The following NR1D2 variants were observed in gnomAD, a reference collection of about 807,000 sequenced individuals.
NR1D2 encodes nuclear receptor subfamily 1 group D member 2, also known as V-erbA-related protein 1-related.
NR1D2 carries 25 observed loss-of-function variants against 52.2 expected under a neutral mutation model. That is an observed-to-expected ratio of 0.48 (90% confidence interval 0.35 to 0.67). The LOEUF is 0.67. NR1D2 is among the 30% of genes least tolerant of loss of function. NR1D2 has a pLI of 0.01. For synonymous variants in NR1D2, 259 were observed against 230.1 expected, an observed-to-expected ratio of 1.13 and a Z score of -1.14; for missense variants, 681 against 707.2, an observed-to-expected ratio of 0.96 and a Z score of 0.42.
In NR1D2 at chr3:23,962,618, C is replaced by T. The variant is rs755869519; in HGVS notation, c.1146+13C>T. The T allele has an allele frequency of 9.0e-6, 14 of 1,561,068 alleles. No individual in the cohort carries two copies. The South Asian group carries it at 1.1e-4, about 12-fold the overall frequency. Reference sequence around the variant, plus strand: ...AAGAATGCATCTGGTATAGTGAAATCGATTTTTTGCTTACATTGTATCAGG... The same window carrying T: ...AAGAATGCATCTGGTATAGTGAAATTGATTTTTTGCTTACATTGTATCAGG... On this transcript the variant is annotated intron_variant, in intron 5 of 7. Transcript: ENST00000312521.
In NR1D2 at chr3:23,954,648, C is replaced by T; in HGVS notation, c.128C>T (p.Ser43Phe). Residue 43 changes from serine (S) to phenylalanine (F), a missense_variant, in exon 2 of 8, where the codon TCT becomes TTT. By Grantham distance (155) the Ser-to-Phe change is radical (BLOSUM62 -2). Around this residue, in one of 3 missense-constraint regions of NR1D2, gnomAD observed 94 missense variants for 90.4 expected, o/e 1.04. Coordinates refer to ENST00000312521, the MANE Select transcript of NR1D2 (RefSeq NM_005126.5). The part of the protein sequence containing the change: ...FQSSSSSVPS[S>F]PNSSNSDTNG... Reference sequence around the variant, plus strand: ...TCCTCCTCCTCTTCTGTTCCATCTTCTCCAAATAGCTCTAATTCTGATACC... The same window carrying T: ...TCCTCCTCCTCTTCTGTTCCATCTTTTCCAAATAGCTCTAATTCTGATACC... 6.2e-7 allele frequency: 1 copy of T among 1,614,138 alleles called. No individual in the cohort carries two copies. Among genetic ancestry groups the T allele is most frequent in the Non-Finnish European group, 8.5e-7 (1 of 1,179,992 alleles).
chr3:23,974,878 G>T (rs1022377350), intron 7 of NR1D2, among the ~76,000 whole-genome samples: 1 of 151,548 alleles, frequency 6.6e-6, no homozygotes, highest in Non-Finnish European at 1.5e-5. Flanking sequence ...GAGTGCAGGG[G>T]CATGATCTCG....
Position 23,966,182 on chromosome 3 carries a change from A to T in NR1D2, c.1332+1020A>T, listed in dbSNP as rs1161569365. 4.6e-5 allele frequency among the ~76,000 whole-genome samples: 7 copies of T among 152,322 alleles called. No individual in the cohort carries two copies. In the South Asian group the frequency reaches 8.3e-4, roughly 18 times the overall value. ...CTCTGAGATTGGGGTGGTGAGAGGAAGTTGATGTTTGGTGGGCCAAATCTT... is the reference window on the plus strand; with the variant it reads ...CTCTGAGATTGGGGTGGTGAGAGGATGTTGATGTTTGGTGGGCCAAATCTT... On this transcript the variant is annotated intron_variant, in intron 6 of 7. Transcript: ENST00000312521.
chr3:23,945,866 G>T (rs1221556435), intron 1 of NR1D2, among the ~76,000 whole-genome samples: 1 of 150,622 alleles, frequency 6.6e-6, no homozygotes, highest in Admixed American at 6.6e-5. Context: ...CCACGTGCGC[G>T]CTGTGTTTAC....
chr3:23,957,083 A>C (rs1413287128), intron 3 of NR1D2, among the ~76,000 whole-genome samples: 1 of 151,822 alleles, frequency 6.6e-6, no homozygotes, highest in Non-Finnish European at 1.5e-5. Context: ...CCTGGGTTCA[A>C]GTGATTCTCC....
At chr3:23,963,932 T>G (rs1387704173) in intron 5 of NR1D2, among the ~76,000 whole-genome samples, 1 of 151,840 alleles carries the variant, frequency 6.6e-6, no homozygotes, top group Non-Finnish European at 1.5e-5. Context: ...TTTTTTTTTT[T>G]TTTAATAACT....
At position 23,954,691 on chromosome 3, in the gene NR1D2, T is replaced by C; in HGVS notation, c.171T>C (p.Asn57=). ...CTGATACCAATGGTAATCCCAAGAA[T>C]GGTGATCTCGCCAATATTGAAGGCA... ...SNSDTNGNPK[N]GDLANIEGIL... is the part of the protein sequence containing the mutation. The change falls in exon 2 of 8, where the codon AAT becomes AAC. Residue 57 remains asparagine, a synonymous_variant. Coordinates refer to ENST00000312521, the MANE Select transcript of NR1D2 (RefSeq NM_005126.5). 1 of 1,614,156 alleles carries C rather than the reference T, an allele frequency of 6.2e-7. No individual in the cohort carries two copies. The highest frequency in any genetic ancestry group is 8.5e-7 in the Non-Finnish European group (1 of 1,179,992).
chr3:23,963,300 T>C, intron 5 of NR1D2: 1 of 1,350,136 alleles, frequency 7.4e-7, no homozygotes, highest in Non-Finnish European at 9.8e-7. Context: ...CATGAAGTCC[T>C]TTGATAGTGC....
At chr3:23,952,186 G>C (rs1705950588) in intron 1 of NR1D2, among the ~76,000 whole-genome samples, 2 of 152,178 alleles carry the variant, frequency 1.3e-5, no homozygotes, top group African/African-American at 2.4e-5. Flanking sequence ...TTTGTAGTTA[G>C]GGACCATGTT....
chr3:23,971,299 A>ACC lies in NR1D2; in HGVS notation c.1543+3277_1543+3278dup, dbSNP rs1337539882. The stretch of plus-strand genomic sequence containing the variant: ...CTGAATATAATGCTTATATCTCTAT[A>ACC]CCTATTTTTTTTTTTTTTTTTTTTG... On this transcript the variant is annotated intron_variant, in intron 7 of 7. Transcript: ENST00000312521. Among the ~76,000 whole-genome samples the ACC allele has an allele frequency of 7.0e-5, 7 of 99,838 alleles. 1 individual carries two copies. The highest frequency in any genetic ancestry group is 2.8e-4 in the East Asian group (1 of 3,550). 65.5% of individuals were successfully genotyped at this position (99,838 alleles called of 152,430 possible).
intron 1 of NR1D2, among the ~76,000 whole-genome samples, chr3:23,950,571 T>A (rs1276416299): frequency 1.3e-5 from 2 of 152,242 alleles, no homozygotes; most frequent in African/African-American, 4.8e-5. Context: ...TCAGTCAGGT[T>A]CATAGATGGG....
chr3:23,950,606 A>G (rs1238495672), intron 1 of NR1D2, among the ~76,000 whole-genome samples: 1 of 152,228 alleles, frequency 6.6e-6, no homozygotes, highest in African/African-American at 2.4e-5. Flanking sequence ...AATAGATGCC[A>G]AGACAACTAA....
intron 7 of NR1D2, among the ~76,000 whole-genome samples, chr3:23,973,103 T>C (rs764517441): frequency 5.3e-5 from 8 of 152,242 alleles, no homozygotes; most frequent in Non-Finnish European, 7.3e-5. Context: ...TCCCAACTTA[T>C]CAGTTGTTTC....
chr3:23,965,147 G>T lies in NR1D2; in HGVS notation c.1317G>T (p.Lys439Asn). 1 of 1,604,808 alleles carries T rather than the reference G, an allele frequency of 6.2e-7. No homozygotes were observed. The highest frequency in any genetic ancestry group is 8.5e-7 in the Non-Finnish European group (1 of 1,177,416). Residue 439 changes from lysine to asparagine, a missense_variant, in exon 6 of 8, where the codon AAG (lysine) becomes AAT (asparagine). By Grantham distance (94) the Lys-to-Asn change is moderately conservative. Around this residue, in one of 3 missense-constraint regions of NR1D2, gnomAD observed 475 missense variants for 454.5 expected, o/e 1.05. Coordinates refer to ENST00000312521, the MANE Select transcript of NR1D2 (RefSeq NM_005126.5). ...LSQHDQVNLL[K>N]AGTFEVLMVR... is the part of the protein sequence containing the mutation. ...AGCATGACCAGGTCAACCTTTTAAA[G>T]GCTGGGACTTTTGAGGTAGGTTTTA...
At chr3:23,971,023 C>T (rs569634976) in intron 7 of NR1D2, among the ~76,000 whole-genome samples, 13 of 152,102 alleles carry the variant, frequency 8.5e-5, no homozygotes, top group Non-Finnish European at 1.5e-4. Context: ...TCAGGTGATC[C>T]GCCCGCCTCG....
chr3:23,948,450 T>C (rs935114500), intron 1 of NR1D2, among the ~76,000 whole-genome samples: 1 of 152,116 alleles, frequency 6.6e-6, no homozygotes, highest in Non-Finnish European at 1.5e-5. Flanking sequence ...CAAAAGGTAG[T>C]GTGGAAATAA....
rs777009620 is a variant in NR1D2 at position 23,965,129 on chromosome 3, C to T, written c.1299C>T (p.Asp433=). The change falls in exon 6 of 8, where the codon GAC becomes GAT. Residue 433 remains aspartate (D), a synonymous_variant. Coordinates refer to ENST00000312521, the MANE Select transcript of NR1D2 (RefSeq NM_005126.5). ...IPGFRDLSQH[D]QVNLLKAGTF... is the part of the protein sequence containing the mutation. The stretch of plus-strand genomic sequence containing the variant: ...GGTTCAGAGATCTCTCTCAGCATGA[C>T]CAGGTCAACCTTTTAAAGGCTGGGA... The T allele has an allele frequency of 1.2e-6, 2 of 1,611,890 alleles. No individual in the cohort carries two copies. The highest frequency in any genetic ancestry group is 2.7e-5 in the African/African-American group (2 of 74,786).
rs72628103 is a variant in NR1D2, at chr3:23,957,754, A to C, written c.372+1629A>C. Among the ~76,000 whole-genome samples, 540 of 152,064 alleles carry C rather than the reference A, an allele frequency of 3.6e-3. 14 individuals carry two copies. In the East Asian group the frequency reaches 0.051, roughly 14 times the overall value. On this transcript the variant is annotated intron_variant, in intron 3 of 7. Coordinates refer to ENST00000312521, the MANE Select transcript of NR1D2 (RefSeq NM_005126.5). ...AAAAAAAAGTGAAGTAATATTGGGG[A>C]AGGCATTATTCTTACTTTATAGCTA...
intron 1 of NR1D2, among the ~76,000 whole-genome samples, chr3:23,953,359 A>T (rs1304606830): frequency 5.3e-5 from 8 of 151,384 alleles, no homozygotes; most frequent in East Asian, 1.9e-4. Context: ...AAAAAAAAAA[A>T]AAAAAAAAAA....
Sources: allele counts gnomAD v4.1 joint callset (sites outside exome capture counted in the v4.1 genomes callset), GRCh38; gene constraint gnomAD v4.1.1; regional missense constraint gnomAD v4.1.1; transcripts MANE v1.5; gene names NCBI Gene and HGNC (gene_info 2026-07-23, HGNC 2026-07-21).